Variants in ZNF441 observed in about 807,000 individuals in gnomAD.
ZNF441 encodes zinc finger protein 441.
ZNF441 carries 25 observed loss-of-function variants against 64.5 expected under a neutral mutation model. The observed-to-expected ratio is 0.39, with a 90% CI of 0.28 to 0.54. ZNF441 has a LOEUF of 0.54. ZNF441 is among the 20% of genes least tolerant of loss of function. ZNF441 has a pLI of 0.70. For synonymous variants in ZNF441, 262 were observed against 268.0 expected, an observed-to-expected ratio of 0.98 and a Z score of 0.22; for missense variants, 715 against 843.3, an observed-to-expected ratio of 0.85 and a Z score of 1.88.
At chr19:11,771,422 G>A (rs1247720038) in intron 1 of ZNF441, among the ~76,000 whole-genome samples, 1 of 152,196 alleles carries the variant, frequency 6.6e-6, no homozygotes, top group Non-Finnish European at 1.5e-5. Context: ...AAGCCACCCA[G>A]GCGCCGAGGC....
chr19:11,770,022 AC>A (rs1975300902), intron 1 of ZNF441, among the ~76,000 whole-genome samples: 1 of 152,052 alleles, frequency 6.6e-6, no homozygotes, highest in African/African-American at 2.4e-5. Flanking sequence ...TTATGCCCTC[AC>A]ATGGTGGAGA....
chr19:11,780,327 T>C lies in ZNF441; in HGVS notation c.503T>C (p.Leu168Pro). Residue 168 changes from leucine to proline, a missense_variant, in exon 4 of 4, where the codon CTC becomes CCC. By Grantham distance (98) the Leu-to-Pro change is moderately conservative. This residue lies in a region of ZNF441 where 399 missense variants were observed against 413.9 expected (regional missense o/e 0.96). Transcript: ENST00000357901. ...IHERPQHGKK[L>P]YDCKECASFS... ...GAAAGACCTCAGCATGGAAAGAAAC[T>C]CTATGATTGTAAGGAATGTGCAAGC... The C allele has an allele frequency of 6.2e-7, 1 of 1,614,182 alleles. No homozygotes were observed. The highest frequency in any genetic ancestry group is 8.5e-7 in the Non-Finnish European group (1 of 1,180,044).
intron 1 of ZNF441, among the ~76,000 whole-genome samples, chr19:11,776,442 C>T (rs1195396572): frequency 6.6e-6 from 1 of 152,060 alleles, no homozygotes; most frequent in Non-Finnish European, 1.5e-5. Flanking sequence ...AGGATTTTAG[C>T]ATTTTTAGAT....
At position 11,767,047 on chromosome 19, in the gene ZNF441, C is replaced by A. The variant is rs984591691; in HGVS notation, c.-147C>A. 3.3e-6 allele frequency: 4 copies of A among 1,225,184 alleles called. No individual in the cohort carries two copies. The highest frequency in any genetic ancestry group is 1.5e-5 in the African/African-American group (1 of 65,334). The allele number at this position is 1,225,184 out of a possible 1,614,324, so 75.9% of individuals were successfully genotyped here. On this transcript the variant is annotated 5_prime_UTR_variant, in exon 1 of 4. Transcript: ENST00000357901. The surrounding 1 kb of genome is among the most constrained non-coding windows in gnomAD (Gnocchi z 5.1). ...AGGAGGGTGCAAGGTTCAAAGAGCC[C>A]GCCGAGTCTTCTCCACGCCCCTGCA...
At chr19:11,779,048 C>T (rs879332096) in intron 3 of ZNF441, among the ~76,000 whole-genome samples, 5 of 152,150 alleles carry the variant, frequency 3.3e-5, no homozygotes, top group East Asian at 1.9e-4. Flanking sequence ...AGGCCAGGTG[C>T]GATAGCTCAC....
At chr19:11,777,869 A>T (rs1323127998) in intron 2 of ZNF441, 132 bp downstream of exon 2, 1 of 999,938 alleles carries the variant, frequency 1.0e-6, no homozygotes, top group Non-Finnish European at 1.4e-6. Flanking sequence ...GCAGTCATAC[A>T]TCTTCTCCCG....
Position 11,780,790 on chromosome 19 carries a change from A to G in ZNF441, c.966A>G (p.Ser322=), listed in dbSNP as rs749608398. Residue 322 remains serine, a synonymous_variant, in exon 4 of 4, where the codon TCA becomes TCG. Coordinates refer to ENST00000357901, the MANE Select transcript of ZNF441 (RefSeq NM_152355.3). ...GAAAAGGCTTTCTTTCTCCCAGTTC[A>G]GTTCGAAGACATAAAAGAACTCACA... ...ICGKGFLSPS[S]VRRHKRTHTG... 1.9e-6 allele frequency: 3 copies of G among 1,614,044 alleles called. No individual in the cohort carries two copies. In the African/African-American group the frequency reaches 4.0e-5, roughly 22 times the overall value.
At chr19:11,777,392 G>A (rs985970950) in intron 1 of ZNF441, among the ~76,000 whole-genome samples, 1 of 152,182 alleles carries the variant, frequency 6.6e-6, no homozygotes, top group African/African-American at 2.4e-5. Flanking sequence ...CCAACAAGAG[G>A]CGTGTTCCTA....
In ZNF441 at chr19:11,780,422, T is replaced by C; in HGVS notation, c.598T>C (p.Leu200=). The change falls in exon 4 of 4, where the codon TTG becomes CTG. Residue 200 remains leucine (L), a synonymous_variant. Transcript: ENST00000357901. ...HHGDGPRICK[L]CGNAFIWPSL... Reference sequence around the variant, plus strand: ...TGGAGATGGACCTCGTATATGTAAGTTGTGTGGAAACGCCTTTATTTGGCC... The same window carrying C: ...TGGAGATGGACCTCGTATATGTAAGCTGTGTGGAAACGCCTTTATTTGGCC... 1.2e-6 allele frequency: 2 copies of C among 1,614,004 alleles called. No individual in the cohort carries two copies. The highest frequency in any genetic ancestry group is 2.2e-5 in the East Asian group (1 of 44,856).
Position 11,781,816 on chromosome 19 carries a change from C to T in ZNF441, c.1992C>T (p.Thr664=), listed in dbSNP as rs948883573. ...GTGCCTTTCATAAACATGAAAGGAC[C>T]CACAGTATGGAGAAACCCTATAAGT... is the stretch of plus-strand genomic sequence containing the variant. ...CPSAFHKHER[T]HSMEKPYKCK... The change falls in exon 4 of 4, where the codon ACC becomes ACT. Residue 664 remains threonine, a synonymous_variant. Coordinates refer to ENST00000357901, the MANE Select transcript of ZNF441 (RefSeq NM_152355.3). 2 of 1,613,656 alleles carry T rather than the reference C, an allele frequency of 1.2e-6. No individual in the cohort carries two copies. Among genetic ancestry groups the T allele is most frequent in the Non-Finnish European group, 1.7e-6 (2 of 1,179,876 alleles).
intron 1 of ZNF441, among the ~76,000 whole-genome samples, chr19:11,774,197 C>T (rs1203920973): frequency 6.6e-6 from 1 of 152,112 alleles, no homozygotes; most frequent in East Asian, 1.9e-4. Flanking sequence ...GCTGATATAA[C>T]AAAGTATTCT....
In ZNF441 at chr19:11,783,682, C is replaced by G. The variant is rs912986895; in HGVS notation, c.*1776C>G. The G allele has an allele frequency of 1.3e-5, 2 of 152,090 alleles. No homozygotes were observed. Among genetic ancestry groups the G allele is most frequent in the African/African-American group, 2.4e-5 (1 of 41,398 alleles). 9.4% of individuals were successfully genotyped at this position (152,090 alleles called of 1,614,324 possible). ...TAAGCCAGGCACAGAAAGACAAATA[C>G]CACATGTTCTCACTTATATGTGGGA... On this transcript the variant is annotated 3_prime_UTR_variant, in exon 4 of 4. Transcript: ENST00000357901.
intron 3 of ZNF441, among the ~76,000 whole-genome samples, chr19:11,779,260 A>G (rs1975376976): frequency 6.6e-6 from 1 of 150,792 alleles, no homozygotes; most frequent in East Asian, 2.0e-4. Flanking sequence ...TCAAAGCCGC[A>G]GTAAGCCCTG....
At chr19:11,774,201 G>A (rs990198888) in intron 1 of ZNF441, among the ~76,000 whole-genome samples, 2 of 152,080 alleles carry the variant, frequency 1.3e-5, no homozygotes, top group African/African-American at 4.8e-5. Context: ...ATATAACAAA[G>A]TATTCTGAAT....
intron 1 of ZNF441, 151 bp from the exon 2 acceptor site, chr19:11,777,460 A>T: frequency 2.6e-6 from 2 of 769,982 alleles, no homozygotes; most frequent in Non-Finnish European, 3.9e-6. Context: ...TGTGGGATAA[A>T]ATGAGTGTAA....
chr19:11,768,977 T>C (rs1039156875), intron 1 of ZNF441, among the ~76,000 whole-genome samples: 2 of 152,160 alleles, frequency 1.3e-5, no homozygotes, highest in Non-Finnish European at 2.9e-5. Context: ...ATCATGGTTA[T>C]TGAGCACTTC....
At position 11,767,012 on chromosome 19, in the gene ZNF441, C is replaced by T. The variant is rs1317289715; in HGVS notation, c.-182C>T. The T allele has an allele frequency of 3.6e-6, 3 of 826,106 alleles. No homozygotes were observed. Among genetic ancestry groups the T allele is most frequent in the African/African-American group, 3.5e-5 (2 of 57,076 alleles). The allele number at this position is 826,106 out of a possible 1,614,324, so 51.2% of individuals were successfully genotyped here. A position where few individuals can be genotyped will look rare whatever the true frequency, so the allele number is the denominator to read the frequency against. On this transcript the variant is annotated 5_prime_UTR_variant, in exon 1 of 4. Coordinates refer to ENST00000357901, the MANE Select transcript of ZNF441 (RefSeq NM_152355.3). This position sits in a 1 kb window ranked among gnomAD's most constrained non-coding sequence, Gnocchi z 5.1. ...GGTCGTGAGAACTGTCAATCAGGCG[C>T]ACTGACCGGAGGAGGGTGCAAGGTT... is the stretch of plus-strand genomic sequence containing the variant.
Position 11,782,544 on chromosome 19 carries a change from A to G in ZNF441, c.*638A>G, listed in dbSNP as rs1447150421. On this transcript the variant is annotated 3_prime_UTR_variant, in exon 4 of 4. Coordinates refer to ENST00000357901, the MANE Select transcript of ZNF441 (RefSeq NM_152355.3). Reference sequence around the variant, plus strand: ...TGACAAGAAAAAAGTCTACATGTTCAGTACAAATACAACTGTCATTCATTG... The same window carrying G: ...TGACAAGAAAAAAGTCTACATGTTCGGTACAAATACAACTGTCATTCATTG... 6.6e-6 allele frequency: 1 copy of G among 152,228 alleles called. No homozygotes were observed. The highest frequency in any genetic ancestry group is 1.5e-5 in the Non-Finnish European group (1 of 68,030). The allele number at this position is 152,228 out of a possible 1,614,324, so 9.4% of individuals were successfully genotyped here.
At chr19:11,779,733 C>G (rs1007127805) in intron 3 of ZNF441, among the ~76,000 whole-genome samples, 3 of 148,710 alleles carry the variant, frequency 2.0e-5, no homozygotes, top group African/African-American at 5.0e-5. Flanking sequence ...GGCAACAGAG[C>G]GAGACTCCGT....
Sources: gnomAD v4.1 joint callset for allele counts (sites outside exome capture counted in the v4.1 genomes callset) on GRCh38, gnomAD v4.1.1 for gene constraint, gnomAD v4.1.1 regional missense constraint, Gnocchi (gnomAD v3.1) non-coding constraint, MANE v1.5 for transcripts, NCBI Gene and HGNC (gene_info 2026-07-23, HGNC 2026-07-21) for gene names.